Variants in PAIP2 observed in about 807,000 individuals in gnomAD.
PAIP2 encodes the protein poly(A) binding protein interacting protein 2.
Under a neutral mutation model 14.8 loss-of-function variants are expected in PAIP2, and 7 were observed. The observed-to-expected ratio is 0.47, with a 90% CI of 0.27 to 0.89. PAIP2 has a LOEUF of 0.89. Among genes scored for constraint, PAIP2 ranks in the 40% least tolerant of loss-of-function variants. The pLI, the probability that PAIP2 is intolerant of heterozygous loss-of-function variation, is 0.13. For missense variants in PAIP2, 122 were observed against 154.7 expected (o/e 0.79, Z 1.12); for synonymous variants, 47 against 45.3 (o/e 1.04, Z -0.15).
chr5:139,354,776 T>C (rs1756855997), intron 1 of PAIP2, among the ~76,000 whole-genome samples: 2 of 152,032 alleles, frequency 1.3e-5, no homozygotes, highest in Admixed American at 1.3e-4. Context: ...TCTCTGCTCA[T>C]ATCTGCTGTT....
intron 1 of PAIP2, among the ~76,000 whole-genome samples, chr5:139,360,743 A>G (rs946385999): frequency 5.4e-5 from 8 of 147,854 alleles, no homozygotes; most frequent in Admixed American, 2.7e-4. Context: ...GATTACAGGC[A>G]TGAGCCGCAC....
intron 1 of PAIP2, among the ~76,000 whole-genome samples, chr5:139,362,048 C>T (rs1022331531): frequency 6.6e-6 from 1 of 151,712 alleles, no homozygotes; most frequent in Non-Finnish European, 1.5e-5. Flanking sequence ...TATGGGCTAT[C>T]AAGGAGAGAT....
At chr5:139,364,189 A>T (rs146526275) in intron 2 of PAIP2, 4 of 476,650 alleles carry the variant, frequency 8.4e-6, no homozygotes, top group Non-Finnish European at 1.1e-5. Context: ...GAGCTCTCAG[A>T]TGGTTCCATT....
chr5:139,363,156 G>A (rs1284856199), intron 1 of PAIP2, among the ~76,000 whole-genome samples: 1 of 151,538 alleles, frequency 6.6e-6, no homozygotes, highest in Non-Finnish European at 1.5e-5. Context: ...CGGGAGAATC[G>A]CTTAAACATG....
chr5:139,343,203 T>TG (rs1224549311), intron 1 of PAIP2: 6 of 152,244 alleles, frequency 3.9e-5, no homozygotes, highest in Non-Finnish European at 5.9e-5. Context: ...ACAGGATATT[T>TG]GGGGAAAATT....
At chr5:139,348,052 C>T (rs1272021955) in intron 1 of PAIP2, among the ~76,000 whole-genome samples, 3 of 148,370 alleles carry the variant, frequency 2.0e-5, no homozygotes, top group Admixed American at 6.8e-5. Context: ...GTGTTACACA[C>T]TTGTAATTCC....
intron 1 of PAIP2, among the ~76,000 whole-genome samples, chr5:139,349,537 GCCTCCTGCCCTTGGAGTA>G (rs924637754): frequency 4.6e-4 from 70 of 152,272 alleles, no homozygotes; most frequent in African/African-American, 1.7e-3. Flanking sequence ...ATGAGCCACT[GCCTCCTGCCCTTGGAGTA>G]CATTTTTAAT....
chr5:139,358,307 A>G (rs775143145), intron 1 of PAIP2, among the ~76,000 whole-genome samples: 37 of 152,368 alleles, frequency 2.4e-4, no homozygotes, highest in Non-Finnish European at 2.6e-4. Context: ...TGATGACTGT[A>G]AGGCCCTTAA....
chr5:139,365,748 T>C (rs1757214705), intron 3 of PAIP2, among the ~76,000 whole-genome samples: 1 of 152,176 alleles, frequency 6.6e-6, no homozygotes, highest in Non-Finnish European at 1.5e-5. Context: ...CCGGCAACAC[T>C]GTAGAGCTAG....
intron 1 of PAIP2, among the ~76,000 whole-genome samples, chr5:139,362,214 T>TTTGTTGTTG (rs138469979): frequency 2.0e-5 from 3 of 151,686 alleles, no homozygotes; most frequent in Non-Finnish European, 4.4e-5. Flanking sequence ...GTGTTTGGTT[T>TTTGTTGTTG]TTGTTGTTGT....
intron 1 of PAIP2, among the ~76,000 whole-genome samples, chr5:139,344,480 T>C (rs1371688715): frequency 6.6e-6 from 1 of 152,198 alleles, no homozygotes; most frequent in Admixed American, 6.5e-5. Context: ...AATTTTTTCA[T>C]TGTTTAGAGT....
intron 3 of PAIP2, 167 bp downstream of exon 3, chr5:139,364,910 C>T (rs1201954943): frequency 1.9e-5 from 9 of 479,092 alleles, no homozygotes; most frequent in African/African-American, 7.9e-5. Flanking sequence ...TTTGGGAGGC[C>T]GAGGCAGGCA....
chr5:139,364,409 G>T (rs1390582188), intron 2 of PAIP2, among the ~76,000 whole-genome samples, 155 bp from the exon 3 acceptor site: 1 of 152,122 alleles, frequency 6.6e-6, no homozygotes, highest in Non-Finnish European at 1.5e-5. Flanking sequence ...ATAGATCTTC[G>T]CCGGTCATTA....
chr5:139,367,970 G>A (rs1481809826), intron 3 of PAIP2, among the ~76,000 whole-genome samples: 10 of 152,036 alleles, frequency 6.6e-5, no homozygotes, highest in East Asian at 3.9e-4. Context: ...TTAGGAGGCC[G>A]AGGCAGGCAG....
At chr5:139,346,726 G>T (rs561371253) in intron 1 of PAIP2, among the ~76,000 whole-genome samples, 1 of 141,396 alleles carries the variant, frequency 7.1e-6, no homozygotes, top group Non-Finnish European at 1.5e-5. Context: ...ACGGGGTTTC[G>T]CCCAAGTTGG....
chr5:139,356,826 G>T (rs1756929594), intron 1 of PAIP2, among the ~76,000 whole-genome samples: 1 of 151,380 alleles, frequency 6.6e-6, no homozygotes, highest in Non-Finnish European at 1.5e-5. Flanking sequence ...GGTGGAGGTT[G>T]CAGTGAGCTG....
intron 1 of PAIP2, among the ~76,000 whole-genome samples, chr5:139,347,336 C>G (rs1279475271): frequency 6.9e-6 from 1 of 144,858 alleles, no homozygotes; most frequent in African/African-American, 2.6e-5. Context: ...TGCAGTGGCG[C>G]GATCTTGGCT....
At chr5:139,364,032 T>A (rs1581321472) in intron 2 of PAIP2, 110 bp downstream of exon 2, 1 of 881,260 alleles carries the variant, frequency 1.1e-6, no homozygotes, top group Non-Finnish European at 1.8e-6. Flanking sequence ...GTATGTAGAC[T>A]GATGTGCCAC....
chr5:139,365,942 C>T (rs924611129), intron 3 of PAIP2, among the ~76,000 whole-genome samples: 2 of 152,126 alleles, frequency 1.3e-5, no homozygotes, highest in South Asian at 2.1e-4. Flanking sequence ...TGGCTCATGC[C>T]TGTAATCCCA....
Sources: gnomAD v4.1 joint callset for allele counts (sites outside exome capture counted in the v4.1 genomes callset) on GRCh38, gnomAD v4.1.1 for gene constraint, MANE v1.5 for transcripts, NCBI Gene and HGNC (gene_info 2026-07-23, HGNC 2026-07-21) for gene names.